ZFHX3: variants seen among roughly 807,000 people sequenced by gnomAD.
ZFHX3 encodes zinc finger homeobox protein 3.
In ZFHX3, 42 loss-of-function variants were observed where a neutral mutation model predicts 279.1. The ratio of observed to expected loss-of-function variants is 0.15; its 90% CI spans 0.12 to 0.19. The LOEUF (loss-of-function observed/expected upper bound fraction) is 0.19. Among genes scored for constraint, ZFHX3 ranks in the 10% least tolerant of loss-of-function variants. The pLI is 1.00. For synonymous variants in ZFHX3, 2,293 were observed against 1,957.8 expected (o/e 1.17, Z -4.52); for missense variants, 4,981 against 4,754.0 (o/e 1.05, Z -1.40).
intron 7 of ZFHX3, among the ~76,000 whole-genome samples, chr16:73,106,007 G>A: frequency 7.3e-6 from 1 of 137,710 alleles, no homozygotes; most frequent in Non-Finnish European, 1.5e-5. Flanking sequence ...CAGCCTCAGA[G>A]CCAGGGAATC....
chr16:73,596,138 G>A (rs8046373), intron 2 of ZFHX3, among the ~76,000 whole-genome samples: 83,334 of 151,482 alleles, frequency 0.55, 25,678 homozygotes, highest in East Asian at 0.79. Flanking sequence ...CTCCTGCCTC[G>A]GCCTCCTGAG....
rs557618418 is a variant in ZFHX3 at position 73,861,433 on chromosome 16, A to C, written c.-1608+30218T>G. ...TGCCAAAGAAATATGGGGAGGTTAG[A>C]GTCGGGTGATTTCCGTGTACAAATA... On this transcript the variant is annotated intron_variant, in intron 1 of 17. Transcript: ENST00000641206. Among the ~76,000 whole-genome samples the C allele has an allele frequency of 5.9e-5, 9 of 152,330 alleles. No individual in the cohort carries two copies. In the South Asian group the frequency reaches 1.7e-3, roughly 28 times the overall value.
chr16:73,577,723 A>G (rs557047642), intron 2 of ZFHX3, among the ~76,000 whole-genome samples: 4 of 152,204 alleles, frequency 2.6e-5, no homozygotes, highest in Non-Finnish European at 5.9e-5. Context: ...AGAAGGAAAA[A>G]TCTAAATTTT....
At chr16:73,313,541 C>T (rs1032542478) in intron 4 of ZFHX3, among the ~76,000 whole-genome samples, 3 of 152,074 alleles carry the variant, frequency 2.0e-5, no homozygotes, top group African/African-American at 4.8e-5. Flanking sequence ...AATGTAGACT[C>T]GAGGAGGTTG....
At chr16:73,398,862 TTTG>T (rs762352606) in intron 3 of ZFHX3, among the ~76,000 whole-genome samples, 3 of 107,424 alleles carry the variant, frequency 2.8e-5, no homozygotes, top group South Asian at 2.9e-4. Context: ...AGTGGTTTTT[TTTG>T]TTTTGTTTTG....
intron 4 of ZFHX3, among the ~76,000 whole-genome samples, chr16:72,831,907 G>T (rs2037069944): frequency 6.6e-6 from 1 of 152,064 alleles, no homozygotes; most frequent in South Asian, 2.1e-4. Context: ...ATATCCTACT[G>T]CCCAAGGTCA....
At chr16:73,106,726 A>G (rs1186008624) in intron 7 of ZFHX3, among the ~76,000 whole-genome samples, 1 of 152,220 alleles carries the variant, frequency 6.6e-6, no homozygotes, top group Non-Finnish European at 1.5e-5. Flanking sequence ...TCATCATGGA[A>G]GCCCTGCCTT....
At chr16:73,863,201 G>A (rs538780204) in intron 1 of ZFHX3, among the ~76,000 whole-genome samples, 15 of 152,216 alleles carry the variant, frequency 9.9e-5, no homozygotes, top group East Asian at 7.7e-4. Flanking sequence ...GCGAGACTCC[G>A]TCTCAAAATA....
At chr16:73,014,530 T>C (rs1331809374) in intron 1 of ZFHX3, 6 of 133,850 alleles carry the variant, frequency 4.5e-5, no homozygotes, top group African/African-American at 1.7e-4. Context: ...TTTTTTTTTT[T>C]TTTTTTTTTT....
At chr16:73,854,133 A>G (rs1597144807) in intron 1 of ZFHX3, among the ~76,000 whole-genome samples, 1 of 152,336 alleles carries the variant, frequency 6.6e-6, no homozygotes, top group East Asian at 1.9e-4. Context: ...TTGACAAACC[A>G]CAAACACAGG....
intron 3 of ZFHX3, among the ~76,000 whole-genome samples, chr16:73,418,601 G>A (rs912565076): frequency 2.0e-5 from 3 of 152,224 alleles, no homozygotes; most frequent in Non-Finnish European, 4.4e-5. Context: ...ACAGACAACA[G>A]CTTAGCCCTG....
Position 72,959,177 on chromosome 16 carries a change from G to A in ZFHX3, c.969C>T (p.Ser323=), listed in dbSNP as rs148015098. Residue 323 remains serine (S), a synonymous_variant, in exon 2 of 10, where the codon TCC becomes TCT. Transcript: ENST00000268489. ...CTTTGCCGATCCCTTGGATGATAGC[G>A]GAGATGTTCTTATTGCTAAGAATTT... is the stretch of plus-strand genomic sequence containing the variant. The part of the protein sequence containing the change: ...ERKILSNKNI[S]AIIQGIGKDK... The A allele has an allele frequency of 2.8e-4, 451 of 1,614,224 alleles. No individual in the cohort carries two copies. Among genetic ancestry groups the A allele is most frequent in the Non-Finnish European group, 3.4e-4 (403 of 1,180,050 alleles).
chr16:72,813,951 T>A (rs1232947475), intron 5 of ZFHX3, among the ~76,000 whole-genome samples: 1 of 152,224 alleles, frequency 6.6e-6, no homozygotes, highest in Admixed American at 6.5e-5. Context: ...AATTAATGTT[T>A]CAGGAACTTA....
At chr16:72,984,515 A>C (rs139313958) in intron 1 of ZFHX3, among the ~76,000 whole-genome samples, 2,049 of 151,878 alleles carry the variant, frequency 0.013, 50 homozygotes, top group African/African-American at 0.047. Flanking sequence ...GAATCCAGCT[A>C]CTTGGGAGGC....
intron 1 of ZFHX3, among the ~76,000 whole-genome samples, chr16:73,829,583 G>C (rs1229963306): frequency 1.5e-5 from 1 of 68,354 alleles, no homozygotes; most frequent in East Asian, 3.7e-4. Flanking sequence ...ATGGGTTTTC[G>C]GCGTAGATGT....
chr16:73,002,883 T>C (rs1453856293), intron 1 of ZFHX3, among the ~76,000 whole-genome samples: 1 of 152,228 alleles, frequency 6.6e-6, no homozygotes, highest in Non-Finnish European at 1.5e-5. Flanking sequence ...GTAATAGATA[T>C]TCACTATGCG....
chr16:73,597,003 G>A (rs919398697), intron 2 of ZFHX3, among the ~76,000 whole-genome samples: 2 of 152,138 alleles, frequency 1.3e-5, no homozygotes, highest in Admixed American at 1.3e-4. Context: ...AGGCATTGAT[G>A]GTGTCCACAG....
At chr16:73,070,926 GCGCGCGCGCGCGCACACACACACACA>G (rs1356481687) in intron 8 of ZFHX3, among the ~76,000 whole-genome samples, 4 of 29,554 alleles carry the variant, frequency 1.4e-4, no homozygotes, top group Admixed American at 5.8e-4. Context: ...GCGCGCGCGC[GCGCGCGCGCGCGCACACACACACACA>G]CACACACACA....
At chr16:72,944,211 G>A (rs1470007096) in intron 3 of ZFHX3, among the ~76,000 whole-genome samples, 1 of 152,032 alleles carries the variant, frequency 6.6e-6, no homozygotes, top group African/African-American at 2.4e-5. Context: ...CTTGAGCCTG[G>A]GAGGCAGACG....
Sources: allele counts gnomAD v4.1 joint callset (sites outside exome capture counted in the v4.1 genomes callset), GRCh38; gene constraint gnomAD v4.1.1; transcripts MANE v1.5; gene names NCBI Gene and HGNC (gene_info 2026-07-23, HGNC 2026-07-21).